The following LAMC3 variants were observed in gnomAD, a reference collection of about 807,000 sequenced individuals.
The protein encoded by LAMC3 is laminin subunit gamma 3.
In LAMC3, 128 loss-of-function variants were observed where a neutral mutation model predicts 173.8. That is an observed-to-expected ratio of 0.74 (90% CI 0.64 to 0.85). The LOEUF (loss-of-function observed/expected upper bound fraction) is 0.85, where lower values mean the gene tolerates loss of function less well. Ranked by LOEUF, LAMC3 falls within the 40% of genes least tolerant of loss-of-function variation. The pLI is 0.00. For missense variants in LAMC3, 2,022 were observed against 2,156.0 expected (o/e 0.94, Z 1.23); for synonymous variants, 897 against 909.1 (o/e 0.99, Z 0.24).
At chr9:131,036,029 T>G in intron 3 of LAMC3, 137 bp from the exon 4 acceptor site, 1 of 865,220 alleles carries the variant, frequency 1.2e-6, no homozygotes, top group Non-Finnish European at 2.0e-6. Flanking sequence ...CCAGGGCACA[T>G]AGTAGGTGTT....
intron 3 of LAMC3, 107 bp from the exon 4 acceptor site, chr9:131,036,059 G>A (rs573996281): frequency 8.7e-7 from 1 of 1,144,134 alleles, no homozygotes; most frequent in Non-Finnish European, 1.3e-6. Flanking sequence ...CCAAGATTGA[G>A]GGTGGAGTCT....
chr9:131,012,503 C>T (rs564563248), intron 1 of LAMC3, among the ~76,000 whole-genome samples: 2 of 152,380 alleles, frequency 1.3e-5, no homozygotes, highest in Admixed American at 6.5e-5. Context: ...ATGCTCGTCC[C>T]GGCCGCCCTG....
chr9:131,013,647 C>T (rs1182548869), intron 1 of LAMC3, among the ~76,000 whole-genome samples: 2 of 152,158 alleles, frequency 1.3e-5, no homozygotes, highest in African/African-American at 4.8e-5. Context: ...TGCACTGGTG[C>T]GCACGAGCCT....
intron 1 of LAMC3, among the ~76,000 whole-genome samples, chr9:131,010,268 G>A (rs1242178489): frequency 6.6e-6 from 1 of 151,262 alleles, no homozygotes. Context: ...GAGGCTGCAT[G>A]AAATATGATA....
rs538565662 is a variant in LAMC3, at chr9:131,092,867, C to T, written c.*1080C>T. The T allele has an allele frequency of 6.6e-6, 1 of 152,618 alleles. No individual in the cohort carries two copies. Among genetic ancestry groups the T allele is most frequent in the African/African-American group, 2.4e-5 (1 of 41,608 alleles). 9.5% of individuals were successfully genotyped at this position (152,618 alleles called of 1,614,324 possible). The stretch of plus-strand genomic sequence containing the variant: ...CGCATGCTGGCCTCTGCCCAGGACT[C>T]CTCAGCATTTCCTCTTGGCATCCCT... On this transcript the variant is annotated 3_prime_UTR_variant, in exon 28 of 28. Coordinates refer to ENST00000361069, the MANE Select transcript of LAMC3 (RefSeq NM_006059.4).
chr9:131,017,797 G>A lies in LAMC3; in HGVS notation c.373+8210G>A, dbSNP rs554694051. ...TCCCAGCACTTTGGGAGGCTGAGGC[G>A]GGCGGATCACCTTCGGTCAAGAGTT... On this transcript the variant is annotated intron_variant, in intron 1 of 27. Coordinates refer to ENST00000361069, the MANE Select transcript of LAMC3 (RefSeq NM_006059.4). 9.9e-5 allele frequency among the ~76,000 whole-genome samples: 15 copies of A among 151,138 alleles called. No individual in the cohort carries two copies. The South Asian group carries it at 2.5e-3, about 25-fold the overall frequency.
In LAMC3 at chr9:131,091,721, C is replaced by T. The variant is rs777224376; in HGVS notation, c.4662C>T (p.Arg1554=). 11 of 1,612,872 alleles carry T rather than the reference C, an allele frequency of 6.8e-6. No homozygotes were observed. Among genetic ancestry groups the T allele is most frequent in the African/African-American group, 4.0e-5 (3 of 74,910 alleles). The change falls in exon 28 of 28, where the codon CGC becomes CGT. Residue 1554 remains arginine (R), a synonymous_variant. Transcript: ENST00000361069. ...TCGAGAGTGACCTCGCCGAGATCCG[C>T]GCCGACAAACAGAACCTGGAGGCCA... The part of the protein sequence containing the change: ...QGFESDLAEI[R]ADKQNLEAIL...
intron 2 of LAMC3, among the ~76,000 whole-genome samples, chr9:131,028,375 C>G (rs73658909): frequency 1.3e-5 from 2 of 152,172 alleles, no homozygotes; most frequent in Non-Finnish European, 2.9e-5. Context: ...ACCCAGGGAA[C>G]CTGCCCTCTC....
chr9:131,010,152 CAAAAAAAA>C (rs35239233), intron 1 of LAMC3, among the ~76,000 whole-genome samples: 9 of 39,580 alleles, frequency 2.3e-4, no homozygotes, highest in Non-Finnish European at 4.2e-4. Flanking sequence ...AACTCCGTCT[CAAAAAAAA>C]AAAAAAAAAA....
chr9:131,074,783 A>T (rs1000035998), intron 20 of LAMC3, among the ~76,000 whole-genome samples: 1 of 151,980 alleles, frequency 6.6e-6, no homozygotes, highest in African/African-American at 2.4e-5. Flanking sequence ...CGCTCCAGGG[A>T]CCTTAGACTT....
intron 1 of LAMC3, among the ~76,000 whole-genome samples, chr9:131,018,647 G>T (rs996723059): frequency 6.6e-6 from 1 of 152,102 alleles, no homozygotes; most frequent in Non-Finnish European, 1.5e-5. Context: ...CCAATATGCT[G>T]TTCTCTCTGT....
At chr9:131,090,825 G>A (rs1029904507) in intron 27 of LAMC3, among the ~76,000 whole-genome samples, 5 of 152,084 alleles carry the variant, frequency 3.3e-5, no homozygotes, top group African/African-American at 1.2e-4. Flanking sequence ...TCAGGAGTTT[G>A]AGACCAGCCT....
At chr9:131,050,501 C>T (rs1020120106) in intron 9 of LAMC3, among the ~76,000 whole-genome samples, 1 of 152,200 alleles carries the variant, frequency 6.6e-6, no homozygotes, top group Non-Finnish European at 1.5e-5. Context: ...CAATGGCTCA[C>T]ACCTGTAATC....
chr9:131,057,491 T>A (rs543044985), intron 12 of LAMC3, among the ~76,000 whole-genome samples: 42 of 152,162 alleles, frequency 2.8e-4, no homozygotes, highest in Non-Finnish European at 5.9e-4. Context: ...CTCAGGGGTC[T>A]TTACATGCAG....
At chr9:131,076,094 GGGTCT>G in intron 21 of LAMC3, 129 bp downstream of exon 21, 1 of 969,628 alleles carries the variant, frequency 1.0e-6, no homozygotes, top group Non-Finnish European at 1.5e-6. Context: ...TTGGTGTCTT[GGGTCT>G]GCATCCTCCT....
At position 131,094,066 on chromosome 9, in the gene LAMC3, G is replaced by A. The variant is rs893694181; in HGVS notation, c.*2279G>A. On this transcript the variant is annotated 3_prime_UTR_variant, in exon 28 of 28. Transcript: ENST00000361069. Reference sequence around the variant, plus strand: ...TGACCTCAGATGATATACCTGCATTGGCCTCTTAAAGTTCTGGGATTTCAG... The same window carrying A: ...TGACCTCAGATGATATACCTGCATTAGCCTCTTAAAGTTCTGGGATTTCAG... The A allele has an allele frequency of 6.6e-6, 1 of 152,186 alleles. No individual in the cohort carries two copies. Among genetic ancestry groups the A allele is most frequent in the African/African-American group, 2.4e-5 (1 of 41,432 alleles). 9.4% of individuals were successfully genotyped at this position (152,186 alleles called of 1,614,324 possible). A position where few individuals can be genotyped will look rare whatever the true frequency, so the allele number is the denominator to read the frequency against.
Position 131,026,253 on chromosome 9 carries a change from C to A in LAMC3, c.374-32C>A. 1 of 1,613,596 alleles carries A rather than the reference C, an allele frequency of 6.2e-7. No homozygotes were observed. The highest frequency in any genetic ancestry group is 8.5e-7 in the Non-Finnish European group (1 of 1,179,844). Reference sequence around the variant, plus strand: ...CAGGATTCCATACCTCCTTCCCCTTCCATAAAATGGGCCCCGTTTTCCTGG... The same window carrying A: ...CAGGATTCCATACCTCCTTCCCCTTACATAAAATGGGCCCCGTTTTCCTGG... On this transcript the variant is annotated intron_variant, in intron 1 of 27. Transcript: ENST00000361069. This position sits in a 1 kb window ranked among gnomAD's most constrained non-coding sequence, Gnocchi z 4.8.
intron 7 of LAMC3, 95 bp from the exon 8 acceptor site, chr9:131,045,429 T>C (rs1834136441): frequency 2.1e-6 from 3 of 1,427,482 alleles, no homozygotes; most frequent in Non-Finnish European, 2.9e-6. Context: ...CTGCAGTGAT[T>C]CTAGACTCTC....
At chr9:131,091,022 A>G (rs1016136609) in intron 27 of LAMC3, among the ~76,000 whole-genome samples, 2 of 152,182 alleles carry the variant, frequency 1.3e-5, no homozygotes, top group Non-Finnish European at 2.9e-5. Flanking sequence ...CTCCGTCTCA[A>G]TAAATAAATA....
Sources: gnomAD v4.1 joint callset for allele counts (sites outside exome capture counted in the v4.1 genomes callset) on GRCh38, gnomAD v4.1.1 for gene constraint, Gnocchi (gnomAD v3.1) non-coding constraint, MANE v1.5 for transcripts, NCBI Gene and HGNC (gene_info 2026-07-23, HGNC 2026-07-21) for gene names.